FSHR: variants seen among roughly 807,000 people sequenced by gnomAD.
FSHR encodes the protein follicle stimulating hormone receptor, also known as follicle-stimulating hormone receptor.
A neutral mutation model predicts 52.1 loss-of-function variants in FSHR; 46 were observed. The observed-to-expected ratio is 0.88, with a 90% CI of 0.70 to 1.13. FSHR has a LOEUF of 1.13. Among genes scored for constraint, FSHR ranks in the 50% most tolerant of loss-of-function variants. FSHR has a pLI of 0.00. For missense variants in FSHR, 964 were observed against 834.6 expected, an observed-to-expected ratio of 1.16 and a Z score of -1.91; for synonymous variants, 399 against 309.6, an observed-to-expected ratio of 1.29 and a Z score of -3.03.
At chr2:48,988,255 G>A (rs1031158059) in intron 6 of FSHR, among the ~76,000 whole-genome samples, 1 of 152,126 alleles carries the variant, frequency 6.6e-6, no homozygotes, top group African/African-American at 2.4e-5. Flanking sequence ...ACAACAGTTT[G>A]TAAAATAGAT....
rs1476153675 is a variant in FSHR, at chr2:49,127,902, T to TCTTCTTCTTCTTC, written c.152+26363_152+26364insGAAGAAGAAGAAG. Among the ~76,000 whole-genome samples the TCTTCTTCTTCTTC allele has an allele frequency of 1.4e-4, 19 of 132,684 alleles. 1 individual carries two copies. Among genetic ancestry groups the TCTTCTTCTTCTTC allele is most frequent in the African/African-American group, 5.5e-4 (18 of 32,556 alleles). The allele number at this position is 132,684 out of a possible 152,430, so 87.0% of individuals were successfully genotyped here. ...CTTCTTCTTCTTCTTCTTCTTCTTT[T>TCTTCTTCTTCTTC]TTTTTTTTGAGACGGAGTCTTACTC... On this transcript the variant is annotated intron_variant, in intron 1 of 9. Coordinates refer to ENST00000406846, the MANE Select transcript of FSHR (RefSeq NM_000145.4).
At chr2:49,004,610 C>G (rs543099920) in intron 4 of FSHR, among the ~76,000 whole-genome samples, 8 of 152,252 alleles carry the variant, frequency 5.3e-5, no homozygotes, top group African/African-American at 1.9e-4. Flanking sequence ...TGACTAGCCT[C>G]TTGAAGCATA....
chr2:49,025,752 C>T (rs1332165422), intron 2 of FSHR, among the ~76,000 whole-genome samples: 1 of 152,168 alleles, frequency 6.6e-6, no homozygotes, highest in East Asian at 1.9e-4. Context: ...TTAACCTCAC[C>T]TATAGAATCA....
intron 1 of FSHR, among the ~76,000 whole-genome samples, chr2:49,153,173 T>C (rs1294176977): frequency 6.6e-6 from 1 of 152,360 alleles, no homozygotes; most frequent in Admixed American, 6.5e-5. Flanking sequence ...AACACCAACA[T>C]GTTTCAGTGT....
Position 49,076,979 on chromosome 2 carries a change from C to G in FSHR, c.153-8689G>C, listed in dbSNP as rs1361732621. On this transcript the variant is annotated intron_variant, in intron 1 of 9. Transcript: ENST00000406846. ...GCTTTGCAGGGTACAGCCTCCCTCC[C>G]ATGTGTCTTCCAGCCACATGGTGCA... 2.0e-5 allele frequency among the ~76,000 whole-genome samples: 3 copies of G among 152,138 alleles called. No individual in the cohort carries two copies. The East Asian group carries it at 5.8e-4, about 29-fold the overall frequency.
chr2:49,021,924 G>T (rs2104228352), intron 2 of FSHR, among the ~76,000 whole-genome samples: 1 of 124,702 alleles, frequency 8.0e-6, no homozygotes, highest in Non-Finnish European at 1.7e-5. Flanking sequence ...GAGAGAGAAT[G>T]AACACCATGC....
intron 8 of FSHR, among the ~76,000 whole-genome samples, chr2:48,972,349 G>A (rs1674780000): frequency 6.6e-6 from 1 of 152,168 alleles, no homozygotes; most frequent in Non-Finnish European, 1.5e-5. Flanking sequence ...AGGGCATCTT[G>A]TCTAGCTCCC....
chr2:49,039,420 T>C (rs1168505852), intron 2 of FSHR, among the ~76,000 whole-genome samples: 1 of 152,214 alleles, frequency 6.6e-6, no homozygotes, highest in African/African-American at 2.4e-5. Context: ...CTGCACTGTC[T>C]AGACTCAGCC....
At chr2:49,046,440 T>C (rs1256099226) in intron 2 of FSHR, among the ~76,000 whole-genome samples, 2 of 152,194 alleles carry the variant, frequency 1.3e-5, no homozygotes, top group African/African-American at 2.4e-5. Flanking sequence ...AACTGTGTGC[T>C]GATGGGCAAG....
intron 1 of FSHR, among the ~76,000 whole-genome samples, chr2:49,072,625 A>T (rs1669778806): frequency 6.6e-6 from 1 of 152,166 alleles, no homozygotes; most frequent in African/African-American, 2.4e-5. Context: ...ATGTTTGAGA[A>T]GGTAAACACT....
At chr2:48,997,412 C>T (rs1279712865) in intron 4 of FSHR, 3 of 984,612 alleles carry the variant, frequency 3.0e-6, no homozygotes, top group African/African-American at 3.5e-5. Context: ...AGAGGTCAGT[C>T]CTATCGGCTT....
At position 49,033,628 on chromosome 2, in the gene FSHR, A is replaced by G. The variant is rs1312441122; in HGVS notation, c.225-13468T>C. On this transcript the variant is annotated intron_variant, in intron 2 of 9. Transcript: ENST00000406846. ...GTGTGCAAGCTGGAGCCTGGCATACAGCATCATGGGAAGCATGGCGAGCCT... is the reference window on the plus strand; with the variant it reads ...GTGTGCAAGCTGGAGCCTGGCATACGGCATCATGGGAAGCATGGCGAGCCT... Among the ~76,000 whole-genome samples the G allele has an allele frequency of 3.9e-5, 6 of 152,210 alleles. No individual in the cohort carries two copies. In the South Asian group the frequency reaches 1.0e-3, roughly 26 times the overall value.
intron 2 of FSHR, among the ~76,000 whole-genome samples, chr2:49,020,620 G>C (rs1667656391): frequency 6.6e-6 from 1 of 151,826 alleles, no homozygotes; most frequent in Non-Finnish European, 1.5e-5. Flanking sequence ...GTAACCAAAG[G>C]TAACACATGA....
intron 2 of FSHR, among the ~76,000 whole-genome samples, chr2:49,060,461 T>A (rs1669244921): frequency 6.6e-6 from 1 of 152,152 alleles, no homozygotes; most frequent in South Asian, 2.1e-4. Context: ...AAATGATGCC[T>A]TGACCAGCCA....
At chr2:48,990,503 A>G (rs1342341558) in intron 5 of FSHR, 63 bp downstream of exon 5, 2 of 1,053,520 alleles carry the variant, frequency 1.9e-6, no homozygotes, top group African/African-American at 1.6e-5. Context: ...AAAGGCCCAG[A>G]TAGCCGTTGG....
At chr2:48,988,462 A>G (rs182385174) in intron 6 of FSHR, among the ~76,000 whole-genome samples, 5 of 152,366 alleles carry the variant, frequency 3.3e-5, no homozygotes, top group African/African-American at 9.6e-5. Flanking sequence ...CTAACAACAC[A>G]GAATGCTTTT....
chr2:48,981,999 C>A (rs1675270817), intron 8 of FSHR, among the ~76,000 whole-genome samples: 1 of 152,220 alleles, frequency 6.6e-6, no homozygotes, highest in Non-Finnish European at 1.5e-5. Flanking sequence ...TCTTGTACCT[C>A]ATTCTCTCCT....
chr2:49,026,657 A>C (rs1020832677), intron 2 of FSHR, among the ~76,000 whole-genome samples: 1 of 152,230 alleles, frequency 6.6e-6, no homozygotes, highest in Non-Finnish European at 1.5e-5. Flanking sequence ...ACGCATGAAA[A>C]GTTGCGAGTG....
At chr2:49,030,913 G>A (rs747826786) in intron 2 of FSHR, among the ~76,000 whole-genome samples, 75 of 152,138 alleles carry the variant, frequency 4.9e-4, no homozygotes, top group Admixed American at 4.0e-3. Flanking sequence ...AAAAGGAAAT[G>A]GTTTTTAAAT....
Sources: gnomAD v4.1 joint callset for allele counts (sites outside exome capture counted in the v4.1 genomes callset) on GRCh38, gnomAD v4.1.1 for gene constraint, MANE v1.5 for transcripts, NCBI Gene and HGNC (gene_info 2026-07-23, HGNC 2026-07-21) for gene names.